Variants in CUX2 observed in about 807,000 individuals in gnomAD.
CUX2 encodes the protein cut like homeobox 2, also known as homeobox protein cut-like 2.
A neutral mutation model predicts 144.8 loss-of-function variants in CUX2; 40 were observed. The ratio of observed to expected loss-of-function variants is 0.28; its 90% CI spans 0.21 to 0.36. The LOEUF is 0.36. Among genes scored for constraint, CUX2 ranks in the 10% least tolerant of loss-of-function variants. The pLI is 1.00. For synonymous variants in CUX2, 827 were observed against 875.6 expected, an observed-to-expected ratio of 0.94 and a Z score of 0.98; for missense variants, 1,615 against 1,994.0, an observed-to-expected ratio of 0.81 and a Z score of 3.62.
At chr12:111,080,251 A>G (rs112532171) in intron 1 of CUX2, among the ~76,000 whole-genome samples, 1 of 151,968 alleles carries the variant, frequency 6.6e-6, no homozygotes, top group Non-Finnish European at 1.5e-5. Flanking sequence ...CGTAACACAC[A>G]CACACACCTA....
rs536979740 is a variant in CUX2 at position 111,293,347 on chromosome 12, T to C, written c.437-99T>C. On this transcript the variant is annotated intron_variant, in intron 5 of 21. Coordinates refer to ENST00000261726, the MANE Select transcript of CUX2 (RefSeq NM_015267.4). This position sits in a 1 kb window ranked among gnomAD's most constrained non-coding sequence, Gnocchi z 4.5. Reference sequence around the variant, plus strand: ...CTCTCCAAGGCCCAAGTTTGGGAAATTGATCACAATCAATGATCGATCCGG... The same window carrying C: ...CTCTCCAAGGCCCAAGTTTGGGAAACTGATCACAATCAATGATCGATCCGG... 7.5e-6 allele frequency: 11 copies of C among 1,466,586 alleles called. No individual in the cohort carries two copies. In the East Asian group the frequency reaches 2.5e-4, roughly 33 times the overall value. 90.8% of individuals were successfully genotyped at this position (1,466,586 alleles called of 1,614,324 possible).
chr12:111,258,453 C>T (rs879689978), intron 3 of CUX2, among the ~76,000 whole-genome samples: 1 of 146,728 alleles, frequency 6.8e-6, no homozygotes, highest in Non-Finnish European at 1.5e-5. Context: ...GTGGAGGTTG[C>T]AGTGAGCTGA....
chr12:111,142,368 T>A (rs772788090), intron 1 of CUX2, among the ~76,000 whole-genome samples: 11 of 152,174 alleles, frequency 7.2e-5, no homozygotes, highest in Non-Finnish European at 1.2e-4. Flanking sequence ...ATCTATCTAG[T>A]GTTCCATCTA....
chr12:111,134,066 T>C (rs1339579438), intron 1 of CUX2, among the ~76,000 whole-genome samples: 1 of 152,160 alleles, frequency 6.6e-6, no homozygotes, highest in Non-Finnish European at 1.5e-5. Context: ...TTTTCAGCAA[T>C]CTCAGCCCTG....
intron 1 of CUX2, among the ~76,000 whole-genome samples, chr12:111,146,100 C>T (rs555141591): frequency 7.9e-5 from 12 of 152,248 alleles, no homozygotes; most frequent in African/African-American, 1.9e-4. Context: ...ATATATGCCT[C>T]GCCCCTACAC....
At chr12:111,205,055 C>T (rs536847747) in intron 1 of CUX2, among the ~76,000 whole-genome samples, 4 of 152,302 alleles carry the variant, frequency 2.6e-5, no homozygotes, top group East Asian at 1.9e-4. Context: ...TTACATACGG[C>T]GCAGGGAGTG....
intron 16 of CUX2, among the ~76,000 whole-genome samples, chr12:111,314,823 G>A (rs914645163): frequency 3.3e-5 from 5 of 151,998 alleles, no homozygotes; most frequent in African/African-American, 9.6e-5. Context: ...CAGCCTGGGT[G>A]AGAGTGAGAT....
intron 1 of CUX2, among the ~76,000 whole-genome samples, chr12:111,173,868 C>G (rs1201022056): frequency 6.6e-6 from 1 of 152,206 alleles, no homozygotes; most frequent in Admixed American, 6.5e-5. Context: ...GACACTGATC[C>G]TGCTGGGCCA....
chr12:111,164,567 C>G (rs906159688), intron 1 of CUX2, among the ~76,000 whole-genome samples: 30 of 151,250 alleles, frequency 2.0e-4, no homozygotes, highest in Admixed American at 1.9e-3. Context: ...CAGAGTGAGA[C>G]TCCATCTCAA....
chr12:111,112,084 G>T (rs1874008246), intron 1 of CUX2, among the ~76,000 whole-genome samples: 1 of 152,130 alleles, frequency 6.6e-6, no homozygotes, highest in African/African-American at 2.4e-5. Flanking sequence ...AAAGAAAGTG[G>T]TTGCTCAGGA....
At chr12:111,088,865 C>A (rs1872396590) in intron 1 of CUX2, among the ~76,000 whole-genome samples, 1 of 152,142 alleles carries the variant, frequency 6.6e-6, no homozygotes, top group South Asian at 2.1e-4. Flanking sequence ...GCCATGGTAC[C>A]CCCGTCTGAC....
At chr12:111,303,083 T>A (rs762165176) in intron 9 of CUX2, among the ~76,000 whole-genome samples, 2 of 150,864 alleles carry the variant, frequency 1.3e-5, no homozygotes, top group Non-Finnish European at 3.0e-5. Flanking sequence ...TAACCCGTCA[T>A]GGTAGTGCAC....
chr12:111,317,997 C>CAAAAAGA (rs201014852), intron 16 of CUX2, among the ~76,000 whole-genome samples: 1 of 151,378 alleles, frequency 6.6e-6, no homozygotes, highest in Admixed American at 6.6e-5. Context: ...AAGACTCAGT[C>CAAAAAGA]AAAAAGAAAA....
intron 1 of CUX2, among the ~76,000 whole-genome samples, chr12:111,121,297 T>C (rs1384276851): frequency 2.0e-5 from 3 of 151,744 alleles, no homozygotes; most frequent in Non-Finnish European, 4.4e-5. Flanking sequence ...AACATGAGCA[T>C]GGAACTTAAA....
chr12:111,199,142 G>T (rs1057260118), intron 1 of CUX2, among the ~76,000 whole-genome samples: 4 of 152,172 alleles, frequency 2.6e-5, no homozygotes, highest in Non-Finnish European at 5.9e-5. Flanking sequence ...GTGGGAGTGG[G>T]TATTATTTCT....
chr12:111,074,985 G>A (rs1372385670), intron 1 of CUX2, among the ~76,000 whole-genome samples: 1 of 152,164 alleles, frequency 6.6e-6, no homozygotes, highest in Non-Finnish European at 1.5e-5. Flanking sequence ...CAGAGCCTTA[G>A]GGATTCTGGG....
chr12:111,143,309 A>G (rs1876453765), intron 1 of CUX2, among the ~76,000 whole-genome samples: 1 of 152,110 alleles, frequency 6.6e-6, no homozygotes. Flanking sequence ...TCCAAACTCT[A>G]ATTTCTGCCT....
intron 1 of CUX2, among the ~76,000 whole-genome samples, chr12:111,162,938 C>G (rs1197256027): frequency 6.6e-6 from 1 of 151,290 alleles, no homozygotes; most frequent in Non-Finnish European, 1.5e-5. Flanking sequence ...CCCAGCTGCT[C>G]GGGAGGCTGA....
intron 4 of CUX2, among the ~76,000 whole-genome samples, chr12:111,269,205 A>T (rs7132341): frequency 0.092 from 14,039 of 152,210 alleles, 844 homozygotes; most frequent in African/African-American, 0.17. Context: ...TTCCTAGGAG[A>T]TGTGAAATGC....
Sources: gnomAD v4.1 joint callset for allele counts (sites outside exome capture counted in the v4.1 genomes callset) on GRCh38, gnomAD v4.1.1 for gene constraint, Gnocchi (gnomAD v3.1) non-coding constraint, MANE v1.5 for transcripts, NCBI Gene and HGNC (gene_info 2026-07-23, HGNC 2026-07-21) for gene names.